Variants in SORL1 observed in about 807,000 individuals in gnomAD.
The protein encoded by SORL1 is sortilin related receptor 1, also known as sortilin-related receptor.
SORL1 carries 127 observed loss-of-function variants against 273.7 expected under a neutral mutation model. The observed-to-expected ratio is 0.46, with a 90% confidence interval of 0.40 to 0.54. SORL1 has a LOEUF of 0.54. SORL1 is among the 20% of genes least tolerant of loss of function. SORL1 has a pLI of 0.00. For synonymous variants in SORL1, 1,031 were observed against 1,067.4 expected (o/e 0.97, Z 0.66); for missense variants, 2,494 against 2,846.1 (o/e 0.88, Z 2.81).
At chr11:121,575,440 A>G (rs946854463) in intron 24 of SORL1, among the ~76,000 whole-genome samples, 44 of 152,230 alleles carry the variant, frequency 2.9e-4, no homozygotes, top group Admixed American at 2.9e-3. Flanking sequence ...GCGGGGCCCT[A>G]CTGTGCCCTC....
At chr11:121,528,312 T>TA (rs1862153567) in intron 11 of SORL1, among the ~76,000 whole-genome samples, 1 of 151,776 alleles carries the variant, frequency 6.6e-6, no homozygotes, top group Non-Finnish European at 1.5e-5. Flanking sequence ...CTACAAAAAA[T>TA]AAAAAAATTA....
intron 45 of SORL1, among the ~76,000 whole-genome samples, chr11:121,624,790 T>G (rs1225930626): frequency 2.0e-5 from 3 of 152,338 alleles, no homozygotes; most frequent in Non-Finnish European, 4.4e-5. Context: ...TGAGCAAATC[T>G]CTGAGTGTGG....
chr11:121,553,586 G>T (rs1455647450), intron 16 of SORL1, among the ~76,000 whole-genome samples: 1 of 152,226 alleles, frequency 6.6e-6, no homozygotes, highest in Admixed American at 6.5e-5. Flanking sequence ...GGGAGAACAG[G>T]GCGATTGGTG....
In SORL1 at chr11:121,559,751, C is replaced by G. The variant is rs545274495; in HGVS notation, c.3049+94C>G. The G allele has an allele frequency of 2.2e-5, 26 of 1,170,914 alleles. No homozygotes were observed. The African/African-American group carries it at 2.8e-4, about 13-fold the overall frequency. The allele number at this position is 1,170,914 out of a possible 1,614,324, so 72.5% of individuals were successfully genotyped here. Reference sequence around the variant, plus strand: ...TCTGCTCAGAGTAGGAGCTGGCAGCCTGCATCTTTGTTGTCACGACAACAT... The same window carrying G: ...TCTGCTCAGAGTAGGAGCTGGCAGCGTGCATCTTTGTTGTCACGACAACAT... On this transcript the variant is annotated intron_variant, in intron 21 of 47. Coordinates refer to ENST00000260197, the MANE Select transcript of SORL1 (RefSeq NM_003105.6).
intron 18 of SORL1, 37 bp downstream of exon 18, chr11:121,555,355 C>T: frequency 1.9e-6 from 3 of 1,607,576 alleles, no homozygotes; most frequent in Non-Finnish European, 2.6e-6. Context: ...ATTAAGGGAG[C>T]AGGCGGGGCA....
At chr11:121,578,761 T>G (rs946556435) in intron 25 of SORL1, among the ~76,000 whole-genome samples, 6 of 152,212 alleles carry the variant, frequency 3.9e-5, no homozygotes, top group African/African-American at 1.4e-4. Flanking sequence ...TATTCTGTGG[T>G]GTTACCAAAT....
At chr11:121,524,145 C>T (rs546758102) in intron 11 of SORL1, among the ~76,000 whole-genome samples, 28 of 152,338 alleles carry the variant, frequency 1.8e-4, no homozygotes, top group South Asian at 4.1e-4. Context: ...TGGAAATTTT[C>T]GGGTTGTCCT....
chr11:121,497,183 C>A lies in SORL1; in HGVS notation c.939+134C>A, dbSNP rs188586231. ...CTTGGGACAGATTGACTGAAGGGAT[C>A]TCAACATTGACAACATTGACGAACA... is the stretch of plus-strand genomic sequence containing the variant. On this transcript the variant is annotated intron_variant, in intron 6 of 47. Transcript: ENST00000260197. The A allele has an allele frequency of 7.4e-4, 559 of 757,874 alleles. No homozygotes were observed. The African/African-American group carries it at 8.9e-3, about 12-fold the overall frequency. 46.9% of individuals were successfully genotyped at this position (757,874 alleles called of 1,614,324 possible). A position where few individuals can be genotyped will look rare whatever the true frequency, so the allele number is the denominator to read the frequency against.
At chr11:121,623,752 A>G (rs970870873) in intron 45 of SORL1, among the ~76,000 whole-genome samples, 6 of 152,188 alleles carry the variant, frequency 3.9e-5, no homozygotes, top group African/African-American at 1.4e-4. Flanking sequence ...CTCTTAGGTT[A>G]AGATTCTAGG....
chr11:121,580,500 G>A (rs7112853), intron 25 of SORL1, among the ~76,000 whole-genome samples: 61,031 of 150,202 alleles, frequency 0.41, 15,449 homozygotes, highest in Non-Finnish European at 0.58. Context: ...TTTCAAATCT[G>A]CCTTTTATTT....
chr11:121,625,146 C>T lies in SORL1; in HGVS notation c.6233C>T (p.Thr2078Ile). 1.2e-6 allele frequency: 2 copies of T among 1,613,276 alleles called. No individual in the cohort carries two copies. Among genetic ancestry groups the T allele is most frequent in the Non-Finnish European group, 1.7e-6 (2 of 1,179,278 alleles). The stretch of plus-strand genomic sequence containing the variant: ...ATCACAGCTTACCTTGGGAATACTA[C>T]TGACAATTTCTTTAAAATTTCCAAC... ...MNITAYLGNT[T>I]DNFFKISNLK... The change falls in exon 46 of 48, where the codon ACT (threonine) becomes ATT (isoleucine). Residue 2078 changes from threonine (T) to isoleucine (I), a missense_variant. Around this residue, in one of 3 missense-constraint regions of SORL1, gnomAD observed 1,609 missense variants for 1,816.4 expected, o/e 0.89. Coordinates refer to ENST00000260197, the MANE Select transcript of SORL1 (RefSeq NM_003105.6).
At chr11:121,592,921 T>G (rs1863237460) in intron 31 of SORL1, among the ~76,000 whole-genome samples, 1 of 152,268 alleles carries the variant, frequency 6.6e-6, no homozygotes, top group Non-Finnish European at 1.5e-5. Flanking sequence ...GATCTCTGTT[T>G]ATATATCCTG....
chr11:121,466,422 T>G (rs910426032), intron 1 of SORL1, among the ~76,000 whole-genome samples: 2 of 152,028 alleles, frequency 1.3e-5, no homozygotes, highest in African/African-American at 4.8e-5. Flanking sequence ...AAGCCACTGA[T>G]TAAGTAAAGG....
At chr11:121,613,576 G>A (rs1375470305) in intron 40 of SORL1, among the ~76,000 whole-genome samples, 2 of 151,996 alleles carry the variant, frequency 1.3e-5, no homozygotes, top group Non-Finnish European at 2.9e-5. Context: ...CAAGGTGCCC[G>A]AGGAGGCTGT....
chr11:121,518,383 G>A (rs1461373627), intron 8 of SORL1, among the ~76,000 whole-genome samples: 2 of 152,170 alleles, frequency 1.3e-5, no homozygotes, highest in Non-Finnish European at 2.9e-5. Flanking sequence ...AGGAAAGGAT[G>A]GGCTGGGACT....
At position 121,619,783 on chromosome 11, in the gene SORL1, T is replaced by A. The variant is rs774117373; in HGVS notation, c.5755T>A (p.Ser1919Thr). 6.2e-7 allele frequency: 1 copy of A among 1,614,166 alleles called. No individual in the cohort carries two copies. The highest frequency in any genetic ancestry group is 1.1e-5 in the South Asian group (1 of 91,086). ...TGTAGTGGTACCCTACCAGGGGCCA[T>A]CCTCTGACTACGTTGTAGTGAAGAT... ...VRVVVPYQGP[S>T]SDYVVVKMIP... The change falls in exon 43 of 48, where the codon TCC becomes ACC. Residue 1919 changes from serine to threonine, a missense_variant. Around this residue, in one of 3 missense-constraint regions of SORL1, gnomAD observed 1,609 missense variants for 1,816.4 expected, o/e 0.89. Transcript: ENST00000260197.
chr11:121,587,952 G>A, intron 27 of SORL1, 68 bp from the exon 28 acceptor site: 1 of 1,592,528 alleles, frequency 6.3e-7, no homozygotes, highest in Admixed American at 1.7e-5. Context: ...GTGTGCACTT[G>A]CCCAGGGCTA....
intron 1 of SORL1, among the ~76,000 whole-genome samples, chr11:121,457,069 A>G (rs12270557): frequency 0.16 from 24,422 of 152,108 alleles, 2,763 homozygotes; most frequent in African/African-American, 0.32. Context: ...GGTTGGCTCA[A>G]TAAGGGACGT....
intron 14 of SORL1, among the ~76,000 whole-genome samples, chr11:121,549,397 T>A (rs1279244925): frequency 6.6e-6 from 1 of 152,066 alleles, no homozygotes; most frequent in Non-Finnish European, 1.5e-5. Context: ...TATTTTTTTT[T>A]ATTCTTTTTT....
Sources: gnomAD v4.1 joint callset for allele counts (sites outside exome capture counted in the v4.1 genomes callset) on GRCh38, gnomAD v4.1.1 for gene constraint, gnomAD v4.1.1 regional missense constraint, MANE v1.5 for transcripts, NCBI Gene and HGNC (gene_info 2026-07-23, HGNC 2026-07-21) for gene names.